Variants in FOXP1 observed in about 807,000 individuals in gnomAD.
FOXP1 encodes the protein forkhead box protein P1.
A neutral mutation model predicts 98.2 loss-of-function variants in FOXP1; 15 were observed. That is an observed-to-expected ratio of 0.15 (90% CI 0.10 to 0.24). The LOEUF (loss-of-function observed/expected upper bound fraction) is 0.24. Among genes scored for constraint, FOXP1 ranks in the 10% least tolerant of loss-of-function variants. FOXP1 has a pLI of 1.00. For missense variants in FOXP1, 633 were observed against 848.5 expected, an observed-to-expected ratio of 0.75 and a Z score of 3.15; for synonymous variants, 371 against 314.5, an observed-to-expected ratio of 1.18 and a Z score of -1.90.
rs576738389 is a variant in FOXP1 at position 71,243,553 on chromosome 3, T to G, written c.-11-45161A>C. Among the ~76,000 whole-genome samples the G allele has an allele frequency of 2.6e-5, 4 of 152,352 alleles. No homozygotes were observed. The South Asian group carries it at 8.3e-4, about 32-fold the overall frequency. On this transcript the variant is annotated intron_variant, in intron 5 of 20. Coordinates refer to ENST00000649528, the MANE Select transcript of FOXP1 (RefSeq NM_001349338.3). ...CATACTTGATTCTGGAACAAACTGCTCACTTTTAACGTGGTTTGAACTAAT... is the reference window on the plus strand; with the variant it reads ...CATACTTGATTCTGGAACAAACTGCGCACTTTTAACGTGGTTTGAACTAAT...
At chr3:71,100,002 T>C (rs1373039682) in intron 7 of FOXP1, among the ~76,000 whole-genome samples, 3 of 152,252 alleles carry the variant, frequency 2.0e-5, no homozygotes, top group Non-Finnish European at 4.4e-5. Flanking sequence ...AATACTTCAA[T>C]AGTTACCACA....
intron 3 of FOXP1, among the ~76,000 whole-genome samples, chr3:71,398,738 C>G (rs917096017): frequency 6.6e-6 from 1 of 152,160 alleles, no homozygotes; most frequent in Non-Finnish European, 1.5e-5. Context: ...CTTTATCTAA[C>G]TTACATCTTC....
intron 18 of FOXP1, 37 bp downstream of exon 18, chr3:70,972,518 C>A (rs767383226): frequency 6.2e-7 from 1 of 1,613,876 alleles, no homozygotes. Context: ...TAGCACAATC[C>A]AAGCTAGGCT....
At chr3:71,581,224 A>C (rs1405294148) in intron 2 of FOXP1, 1 of 985,282 alleles carries the variant, frequency 1.0e-6, no homozygotes, top group African/African-American at 1.7e-5. Flanking sequence ...ATGACTTGGA[A>C]ATAATTAATA....
At chr3:71,146,527 A>C (rs1272701468) in intron 6 of FOXP1, among the ~76,000 whole-genome samples, 1 of 152,166 alleles carries the variant, frequency 6.6e-6, no homozygotes, top group Non-Finnish European at 1.5e-5. Flanking sequence ...ATAAAAAATA[A>C]AAATCTGATT....
chr3:71,309,287 G>A (rs116698926), intron 4 of FOXP1, among the ~76,000 whole-genome samples: 84 of 151,690 alleles, frequency 5.5e-4, no homozygotes, highest in African/African-American at 1.8e-3. Context: ...AAATCACTGC[G>A]CTAAGAAAAA....
chr3:71,212,047 T>C (rs890327330), intron 5 of FOXP1, among the ~76,000 whole-genome samples: 8 of 152,206 alleles, frequency 5.3e-5, no homozygotes, highest in African/African-American at 1.9e-4. Context: ...TCAGAGGCTC[T>C]GAGTGGAACC....
chr3:71,217,385 C>CT (rs200192321), intron 5 of FOXP1, among the ~76,000 whole-genome samples: 283 of 151,422 alleles, frequency 1.9e-3, no homozygotes, highest in African/African-American at 6.5e-3. Context: ...GGATTTTGTT[C>CT]TTTTTTTTTA....
At chr3:71,567,750 CCTT>C (rs1314460488) in intron 2 of FOXP1, 1 of 152,004 alleles carries the variant, frequency 6.6e-6, no homozygotes, top group East Asian at 1.9e-4. Context: ...GAAAGAATCT[CCTT>C]ATTTAACAAC....
chr3:70,986,996 C>G (rs1400636407), intron 14 of FOXP1, among the ~76,000 whole-genome samples: 1 of 152,144 alleles, frequency 6.6e-6, no homozygotes, highest in Admixed American at 6.5e-5. Flanking sequence ...TCAGTCAAAA[C>G]AGATAAACCA....
chr3:71,360,346 C>T (rs925801233), intron 3 of FOXP1: 16 of 152,274 alleles, frequency 1.1e-4, no homozygotes, highest in African/African-American at 3.9e-4. Flanking sequence ...CAGTTAGCAA[C>T]TCTTTTTTTT....
At chr3:71,099,325 A>C (rs2056754170) in intron 7 of FOXP1, among the ~76,000 whole-genome samples, 1 of 152,176 alleles carries the variant, frequency 6.6e-6, no homozygotes, top group African/African-American at 2.4e-5. Flanking sequence ...AGCCTGGCCA[A>C]CATGGTGAAA....
At chr3:71,336,410 A>C (rs1172903130) in intron 4 of FOXP1, among the ~76,000 whole-genome samples, 1 of 152,102 alleles carries the variant, frequency 6.6e-6, no homozygotes, top group Non-Finnish European at 1.5e-5. Context: ...ATTTGTCCTA[A>C]TGCTCTCCCT....
At chr3:71,273,890 G>A (rs923258680) in intron 5 of FOXP1, among the ~76,000 whole-genome samples, 5 of 152,308 alleles carry the variant, frequency 3.3e-5, no homozygotes, top group African/African-American at 1.2e-4. Context: ...GCCATTGTGA[G>A]GCTAGATAAA....
intron 7 of FOXP1, among the ~76,000 whole-genome samples, chr3:71,073,235 G>A (rs1432032974): frequency 3.3e-5 from 5 of 152,294 alleles, no homozygotes; most frequent in Admixed American, 2.6e-4. Flanking sequence ...ATCAGGGCGC[G>A]CTGTGGTTAA....
At position 71,320,629 on chromosome 3, in the gene FOXP1, G is replaced by C. The variant is rs1055009271; in HGVS notation, c.-72-20749C>G. 5.3e-5 allele frequency among the ~76,000 whole-genome samples: 8 copies of C among 152,130 alleles called. No homozygotes were observed. In the South Asian group the frequency reaches 1.5e-3, roughly 28 times the overall value. ...GGCATGACTCCATTTTATTATAATG[G>C]TCTATTTAATCAATCATTTCTCTTG... On this transcript the variant is annotated intron_variant, in intron 4 of 20. Transcript: ENST00000649528.
chr3:71,468,739 G>A (rs542549620), intron 3 of FOXP1, among the ~76,000 whole-genome samples: 29 of 152,228 alleles, frequency 1.9e-4, no homozygotes, highest in African/African-American at 4.8e-4. Flanking sequence ...GTCACTGGCC[G>A]TGACTCTTTC....
At chr3:71,157,783 T>C (rs1247314103) in intron 6 of FOXP1, among the ~76,000 whole-genome samples, 1 of 152,072 alleles carries the variant, frequency 6.6e-6, no homozygotes, top group African/African-American at 2.4e-5. Flanking sequence ...TCATGAAGCT[T>C]CTATTCTAAA....
At chr3:71,555,586 C>T (rs1313781196) in intron 2 of FOXP1, among the ~76,000 whole-genome samples, 1 of 152,156 alleles carries the variant, frequency 6.6e-6, no homozygotes, top group African/African-American at 2.4e-5. Flanking sequence ...CCCATGGCAC[C>T]CCCATTAGAT....
Sources: gnomAD v4.1 joint callset for allele counts (sites outside exome capture counted in the v4.1 genomes callset) on GRCh38, gnomAD v4.1.1 for gene constraint, MANE v1.5 for transcripts, NCBI Gene and HGNC (gene_info 2026-07-23, HGNC 2026-07-21) for gene names.